VCL: variants seen among roughly 807,000 people sequenced by gnomAD.
VCL encodes epididymis luminal protein 114.
A neutral mutation model predicts 125.7 loss-of-function variants in VCL; 47 were observed. That is an observed-to-expected ratio of 0.37 (90% CI 0.30 to 0.48). VCL has a LOEUF of 0.48. Ranked by LOEUF, VCL falls within the 20% of genes least tolerant of loss-of-function variation. The pLI, the probability that VCL is intolerant of heterozygous loss-of-function variation, is 0.99. For synonymous variants in VCL, 458 were observed against 514.6 expected (o/e 0.89, Z 1.49); for missense variants, 1,069 against 1,455.5 (o/e 0.73, Z 4.32).
chr10:74,099,862 T>C (rs1840023530), intron 13 of VCL, among the ~76,000 whole-genome samples: 1 of 152,162 alleles, frequency 6.6e-6, no homozygotes, highest in African/African-American at 2.4e-5. Context: ...CCCATGTAGT[T>C]AAATCCAAAC....
At chr10:74,095,202 C>G (rs1564529826) in intron 11 of VCL, among the ~76,000 whole-genome samples, 1 of 152,088 alleles carries the variant, frequency 6.6e-6, no homozygotes, top group Admixed American at 6.6e-5. Flanking sequence ...TTAATAATAA[C>G]TGACTTGTGA....
intron 1 of VCL, among the ~76,000 whole-genome samples, chr10:74,003,896 T>A (rs1331095411): frequency 1.3e-5 from 2 of 152,246 alleles, no homozygotes; most frequent in African/African-American, 2.4e-5. Flanking sequence ...ATTTAAAATT[T>A]TTTTTATAGA....
chr10:74,112,349 T>C (rs747833601), intron 19 of VCL, among the ~76,000 whole-genome samples: 3 of 152,194 alleles, frequency 2.0e-5, no homozygotes, highest in Non-Finnish European at 2.9e-5. Flanking sequence ...GGGGTCACTT[T>C]TGGAAAGGAT....
intron 4 of VCL, 97 bp from the exon 5 acceptor site, chr10:74,072,633 G>A: frequency 2.5e-6 from 4 of 1,584,184 alleles, no homozygotes; most frequent in East Asian, 2.2e-5. Flanking sequence ...CAATCGGTTT[G>A]AACTTTCATA....
At chr10:74,058,060 C>G (rs1272021442) in intron 2 of VCL, among the ~76,000 whole-genome samples, 3 of 152,102 alleles carry the variant, frequency 2.0e-5, no homozygotes, top group African/African-American at 7.2e-5. Context: ...GTCTGAAAGA[C>G]CCTGACAGGA....
rs777130723 is a variant in VCL, at chr10:74,095,830, C to G, written c.1718C>G (p.Ala573Gly). The change falls in exon 12 of 22, where the codon GCA (alanine) becomes GGA (glycine). Residue 573 changes from alanine to glycine, a missense_variant. Around this residue, in one of 6 missense-constraint regions of VCL, gnomAD observed 760 missense variants for 928.9 expected, o/e 0.82. Coordinates refer to ENST00000211998, the MANE Select transcript of VCL (RefSeq NM_014000.3). ...EGESPQARAL[A>G]SQLQDSLKDL... Reference sequence around the variant, plus strand: ...GAGAGTCCTCAGGCACGAGCACTTGCATCTCAGCTCCAAGACTCCTTAAAG... The same window carrying G: ...GAGAGTCCTCAGGCACGAGCACTTGGATCTCAGCTCCAAGACTCCTTAAAG... 4 of 1,613,888 alleles carry G rather than the reference C, an allele frequency of 2.5e-6. No individual in the cohort carries two copies. In the South Asian group the frequency reaches 3.3e-5, roughly 13 times the overall value.
intron 1 of VCL, among the ~76,000 whole-genome samples, chr10:74,025,104 C>T (rs772899284): frequency 3.3e-5 from 5 of 152,158 alleles, no homozygotes; most frequent in Admixed American, 6.5e-5. Flanking sequence ...GCAACCTCTG[C>T]CTCCTGGGTT....
chr10:74,072,100 C>T (rs1841670732), intron 4 of VCL, among the ~76,000 whole-genome samples: 1 of 152,134 alleles, frequency 6.6e-6, no homozygotes, highest in Admixed American at 6.6e-5. Flanking sequence ...TTTAGAGAAT[C>T]ACATAGCGCC....
At chr10:74,072,053 A>G (rs567565043) in intron 4 of VCL, among the ~76,000 whole-genome samples, 145 of 152,342 alleles carry the variant, frequency 9.5e-4, no homozygotes, top group Non-Finnish European at 1.6e-3. Flanking sequence ...CTGTGAGACA[A>G]CTTGAGAAAT....
At position 74,105,287 on chromosome 10, in the gene VCL, T is replaced by C. The variant is rs780172945; in HGVS notation, c.2368T>C (p.Leu790=). The C allele has an allele frequency of 9.3e-6, 15 of 1,613,494 alleles. No homozygotes were observed. Among genetic ancestry groups the C allele is most frequent in the South Asian group, 4.4e-5 (4 of 91,052 alleles). The part of the protein sequence containing the change: ...REAVKAASDE[L]SKTISPMVMD... ...GGCTGTGAAAGCTGCCTCTGATGAA[T>C]TGAGCAAAACCATCTCCCCGATGGT... Residue 790 remains leucine, a synonymous_variant, in exon 16 of 22, where the codon TTG becomes CTG. Transcript: ENST00000211998.
intron 1 of VCL, among the ~76,000 whole-genome samples, chr10:74,009,692 C>T (rs1220983285): frequency 6.6e-6 from 1 of 151,948 alleles, no homozygotes; most frequent in African/African-American, 2.4e-5. Context: ...TCACTGCAAC[C>T]TCCACCTCAC....
At chr10:74,078,792 T>A (rs1839633342) in intron 6 of VCL, among the ~76,000 whole-genome samples, 1 of 152,156 alleles carries the variant, frequency 6.6e-6, no homozygotes, top group Non-Finnish European at 1.5e-5. Context: ...CTGCCCAATC[T>A]ATACTTTCCA....
chr10:74,024,415 AG>A (rs1304350637), intron 1 of VCL, among the ~76,000 whole-genome samples: 2 of 152,150 alleles, frequency 1.3e-5, no homozygotes, highest in East Asian at 3.9e-4. Flanking sequence ...GTTCGAGACC[AG>A]CCTGGCCAAC....
Position 74,070,827 on chromosome 10 carries a change from A to G in VCL, c.390+7A>G. 1 of 1,614,026 alleles carries G rather than the reference A, an allele frequency of 6.2e-7. No individual in the cohort carries two copies. Among genetic ancestry groups the G allele is most frequent in the Non-Finnish European group, 8.5e-7 (1 of 1,179,978 alleles). On this transcript the variant is annotated splice_region_variant and intron_variant, in intron 3 of 21. Transcript: ENST00000211998. ...TACCTTCGATGAGGCTGAGGTAGGC[A>G]ATCTGAGACAAAAAGCCTACTCTTG...
At chr10:74,114,741 G>A in intron 20 of VCL, 54 bp from the exon 21 acceptor site, 1 of 1,534,984 alleles carries the variant, frequency 6.5e-7, no homozygotes, top group South Asian at 1.2e-5. Context: ...TGCCTTCAAG[G>A]AGCTTGTGGG....
chr10:74,073,898 G>A (rs73280454), intron 5 of VCL, among the ~76,000 whole-genome samples: 315 of 152,290 alleles, frequency 2.1e-3, no homozygotes, highest in African/African-American at 7.2e-3. Context: ...CTGCTTTGGT[G>A]TTTCAAGTAG....
At chr10:74,033,271 A>T (rs1840915284) in intron 1 of VCL, among the ~76,000 whole-genome samples, 1 of 152,234 alleles carries the variant, frequency 6.6e-6, no homozygotes, top group Admixed American at 6.5e-5. Context: ...ATGTGATTCT[A>T]TTTATATCAG....
intron 1 of VCL, among the ~76,000 whole-genome samples, chr10:74,016,542 G>A (rs910419597): frequency 1.3e-5 from 2 of 151,958 alleles, no homozygotes; most frequent in African/African-American, 4.8e-5. Flanking sequence ...GCTGGAGATC[G>A]TGCCACTGCC....
At chr10:74,061,214 T>C (rs1360825120) in intron 2 of VCL, among the ~76,000 whole-genome samples, 1 of 152,216 alleles carries the variant, frequency 6.6e-6, no homozygotes, top group African/African-American at 2.4e-5. Context: ...CAATTTTCCA[T>C]ACACAAGACA....
Sources: gnomAD v4.1 joint callset for allele counts (sites outside exome capture counted in the v4.1 genomes callset) on GRCh38, gnomAD v4.1.1 for gene constraint, gnomAD v4.1.1 regional missense constraint, MANE v1.5 for transcripts, NCBI Gene and HGNC (gene_info 2026-07-23, HGNC 2026-07-21) for gene names.